The following RAD51B variants were observed in gnomAD, a reference collection of about 807,000 sequenced individuals.
RAD51B encodes the protein RAD51 paralog B.
In RAD51B, 38 loss-of-function variants were observed where a neutral mutation model predicts 42.2. That is an observed-to-expected ratio of 0.90 (90% CI 0.70 to 1.18). The LOEUF is 1.18. Ranked by LOEUF, RAD51B falls within the 50% of genes most tolerant of loss-of-function variation. The probability of loss-of-function intolerance (pLI) is 0.00; values close to 1 mark genes in which losing one functional copy is unlikely to be tolerated. For missense variants in RAD51B, 373 were observed against 400.7 expected, an observed-to-expected ratio of 0.93 and a Z score of 0.59; for synonymous variants, 154 against 145.2, an observed-to-expected ratio of 1.06 and a Z score of -0.43.
chr14:68,507,563 T>C (rs1191567009), intron 10 of RAD51B, among the ~76,000 whole-genome samples: 1 of 152,052 alleles, frequency 6.6e-6, no homozygotes, highest in Non-Finnish European at 1.5e-5. Context: ...TCTGCACACC[T>C]CAATATGAGA....
intron 7 of RAD51B, among the ~76,000 whole-genome samples, chr14:68,065,263 T>G (rs1205610890): frequency 6.6e-6 from 1 of 152,204 alleles, no homozygotes; most frequent in East Asian, 1.9e-4. Flanking sequence ...CTCAGTGGCT[T>G]AAGCTGCAGA....
At chr14:68,606,335 G>A (rs902223321) in intron 10 of RAD51B, among the ~76,000 whole-genome samples, 1 of 152,082 alleles carries the variant, frequency 6.6e-6, no homozygotes, top group African/African-American at 2.4e-5. Flanking sequence ...CTCCCACCAA[G>A]CTCCCAGGAG....
chr14:68,090,763 C>T (rs1226494951), intron 7 of RAD51B, among the ~76,000 whole-genome samples: 1 of 151,154 alleles, frequency 6.6e-6, no homozygotes, highest in Non-Finnish European at 1.5e-5. Context: ...AGGTTTGTTA[C>T]ATATGTATAC....
chr14:68,347,673 AAAT>A (rs760161590), intron 8 of RAD51B, among the ~76,000 whole-genome samples: 2 of 152,188 alleles, frequency 1.3e-5, no homozygotes, highest in South Asian at 4.1e-4. Context: ...CCCTGTCTCA[AAAT>A]AATAATAATA....
intron 7 of RAD51B, among the ~76,000 whole-genome samples, chr14:67,988,449 ACTCCAT>A (rs1402445899): frequency 6.6e-6 from 1 of 152,008 alleles, no homozygotes. Flanking sequence ...ACAGAACAAC[ACTCCAT>A]CTCAAAAAAT....
At chr14:68,453,470 T>C (rs2085607866) in intron 9 of RAD51B, among the ~76,000 whole-genome samples, 1 of 152,088 alleles carries the variant, frequency 6.6e-6, no homozygotes. Flanking sequence ...AGCAGATTGG[T>C]TTAAAATTGT....
chr14:68,155,103 G>C (rs527978954), intron 7 of RAD51B, among the ~76,000 whole-genome samples: 1 of 152,202 alleles, frequency 6.6e-6, no homozygotes, highest in East Asian at 1.9e-4. Context: ...ACATGTACAA[G>C]CTACTAGAAT....
intron 9 of RAD51B, among the ~76,000 whole-genome samples, chr14:68,419,933 T>C (rs950199411): frequency 1.3e-5 from 2 of 152,204 alleles, no homozygotes; most frequent in Non-Finnish European, 2.9e-5. Flanking sequence ...CACCAGGTGA[T>C]ACTAATTTAA....
chr14:68,072,104 A>T (rs948503919), intron 7 of RAD51B, among the ~76,000 whole-genome samples: 1 of 108,282 alleles, frequency 9.2e-6, no homozygotes, highest in Non-Finnish European at 1.9e-5. Flanking sequence ...TAATATATAA[A>T]ATATAAAAAA....
At chr14:68,327,808 A>C (rs1467382005) in intron 8 of RAD51B, among the ~76,000 whole-genome samples, 1 of 152,214 alleles carries the variant, frequency 6.6e-6, no homozygotes, top group Non-Finnish European at 1.5e-5. Flanking sequence ...AGGAAAAATA[A>C]ACTGGAATTT....
exon 11 of RAD51B, chr14:68,611,533 T>C: frequency 2.1e-6 from 1 of 470,052 alleles, no homozygotes; most frequent in South Asian, 2.4e-5. Context: ...AAAGGATTGC[T>C]GAAGCTTATT....
At chr14:68,574,818 C>T (rs1441571179) in intron 10 of RAD51B, among the ~76,000 whole-genome samples, 1 of 152,118 alleles carries the variant, frequency 6.6e-6, no homozygotes, top group Non-Finnish European at 1.5e-5. Flanking sequence ...TAGTCAATTC[C>T]AAGAGCTCCT....
intron 10 of RAD51B, among the ~76,000 whole-genome samples, chr14:68,499,726 G>A (rs924316637): frequency 1.3e-5 from 2 of 152,146 alleles, no homozygotes; most frequent in African/African-American, 2.4e-5. Flanking sequence ...GACTACGGAG[G>A]CAGAGACTGG....
chr14:68,488,155 A>G (rs927045279), intron 10 of RAD51B, among the ~76,000 whole-genome samples: 1 of 146,804 alleles, frequency 6.8e-6, no homozygotes, highest in African/African-American at 2.5e-5. Flanking sequence ...CAGTGTGTTG[A>G]TGGCACCAGG....
At chr14:68,495,624 A>G (rs559574756) in intron 10 of RAD51B, among the ~76,000 whole-genome samples, 22 of 147,622 alleles carry the variant, frequency 1.5e-4, no homozygotes, top group African/African-American at 5.1e-4. Flanking sequence ...CTGACGACAC[A>G]CTGTGGGGCT....
intron 10 of RAD51B, among the ~76,000 whole-genome samples, chr14:68,583,906 C>T (rs1284198957): frequency 5.9e-5 from 9 of 152,038 alleles, no homozygotes; most frequent in African/African-American, 1.9e-4. Flanking sequence ...ACACTTCACC[C>T]ACGGCTGGAG....
intron 9 of RAD51B, among the ~76,000 whole-genome samples, chr14:68,442,411 G>A (rs1043358724): frequency 2.1e-5 from 3 of 143,050 alleles, no homozygotes; most frequent in African/African-American, 7.8e-5. Context: ...TTTCTTGAGT[G>A]CCTACTATGT....
At chr14:68,050,890 T>TTTTA (rs1366337311) in intron 7 of RAD51B, among the ~76,000 whole-genome samples, 1 of 151,958 alleles carries the variant, frequency 6.6e-6, no homozygotes, top group Non-Finnish European at 1.5e-5. Flanking sequence ...TTGCCTTTTT[T>TTTTA]TTTATTTATT....
intron 7 of RAD51B, among the ~76,000 whole-genome samples, chr14:68,076,015 G>A (rs950342792): frequency 6.6e-6 from 1 of 152,246 alleles, no homozygotes; most frequent in Non-Finnish European, 1.5e-5. Context: ...CCACTGAGGA[G>A]TAACATGGGC....
Sources: gnomAD v4.1 joint callset for allele counts (sites outside exome capture counted in the v4.1 genomes callset) on GRCh38, gnomAD v4.1.1 for gene constraint, MANE v1.5 for transcripts, NCBI Gene and HGNC (gene_info 2026-07-23, HGNC 2026-07-21) for gene names.